Variants in DSCAM observed in about 807,000 individuals in gnomAD.
DSCAM encodes cell adhesion molecule DSCAM.
Under a neutral mutation model 217.7 loss-of-function variants are expected in DSCAM, and 47 were observed. The observed-to-expected ratio is 0.22, with a 90% CI of 0.17 to 0.28. The LOEUF (loss-of-function observed/expected upper bound fraction) is 0.28. Among genes scored for constraint, DSCAM ranks in the 10% least tolerant of loss-of-function variants. The pLI is 1.00. For synonymous variants in DSCAM, 1,056 were observed against 1,015.3 expected (o/e 1.04, Z -0.76); for missense variants, 2,080 against 2,618.3 (o/e 0.79, Z 4.49).
At position 40,754,610 on chromosome 21, in the gene DSCAM, C is replaced by T. The variant is rs964499945; in HGVS notation, c.44-45839G>A. On this transcript the variant is annotated intron_variant, in intron 1 of 32. Coordinates refer to ENST00000400454, the MANE Select transcript of DSCAM (RefSeq NM_001389.5). ...ATCACCACCTCCGGCTGTCACTGGC[C>T]GTGGCTGCTCTCAGGAGTCAATCTC... Among the ~76,000 whole-genome samples, 8 of 152,170 alleles carry T rather than the reference C, an allele frequency of 5.3e-5. No homozygotes were observed. The East Asian group carries it at 9.6e-4, about 18-fold the overall frequency.
At chr21:40,605,709 G>T (rs1568933600) in intron 3 of DSCAM, among the ~76,000 whole-genome samples, 1 of 146,138 alleles carries the variant, frequency 6.8e-6, no homozygotes, top group Non-Finnish European at 1.5e-5. Flanking sequence ...CAGGGGCCAA[G>T]ACATTAGTAA....
At chr21:40,582,696 C>G (rs1601764209) in intron 3 of DSCAM, among the ~76,000 whole-genome samples, 1 of 151,350 alleles carries the variant, frequency 6.6e-6, no homozygotes, top group East Asian at 1.9e-4. Context: ...AAAATGAGCT[C>G]TGGTTAGAGA....
chr21:40,742,298 T>C (rs2091131841), intron 1 of DSCAM, among the ~76,000 whole-genome samples: 1 of 152,232 alleles, frequency 6.6e-6, no homozygotes, highest in African/African-American at 2.4e-5. Context: ...TCATTATTGG[T>C]GTAGCTCATA....
intron 19 of DSCAM, among the ~76,000 whole-genome samples, chr21:40,133,617 C>CA (rs67478168): frequency 2.9e-4 from 43 of 149,328 alleles, no homozygotes; most frequent in African/African-American, 7.9e-4. Flanking sequence ...AAACAAAAAA[C>CA]AAAAAAAAAG....
chr21:40,393,653 C>T (rs1206007105), intron 3 of DSCAM, among the ~76,000 whole-genome samples: 1 of 152,252 alleles, frequency 6.6e-6, no homozygotes, highest in East Asian at 1.9e-4. Flanking sequence ...AACACCAGAG[C>T]TGACCATTAT....
intron 3 of DSCAM, among the ~76,000 whole-genome samples, chr21:40,378,740 C>T (rs1183841720): frequency 3.3e-5 from 5 of 151,412 alleles, no homozygotes; most frequent in Admixed American, 2.0e-4. Flanking sequence ...TACAGGCGCC[C>T]GCTACCACGC....
chr21:40,652,812 A>G (rs1476196842), intron 3 of DSCAM, among the ~76,000 whole-genome samples: 2 of 152,196 alleles, frequency 1.3e-5, no homozygotes, highest in East Asian at 3.8e-4. Flanking sequence ...TGTTTATGCC[A>G]ACAATTGGAT....
At position 40,846,757 on chromosome 21, in the gene DSCAM, G is replaced by C; in HGVS notation, c.-96C>G. On this transcript the variant is annotated 5_prime_UTR_variant, in exon 1 of 33. Transcript: ENST00000400454. ...TCCGCTCGCCGCTCGGCACCTGCCCGGGGGCCGCCGCCCGCCCGCCGCCCG... is the reference window on the plus strand; with the variant it reads ...TCCGCTCGCCGCTCGGCACCTGCCCCGGGGCCGCCGCCCGCCCGCCGCCCG... 1 of 509,682 alleles carries C rather than the reference G, an allele frequency of 2.0e-6. No homozygotes were observed. Among genetic ancestry groups the C allele is most frequent in the Non-Finnish European group, 2.5e-6 (1 of 397,204 alleles). The allele number at this position is 509,682 out of a possible 1,614,324, so 31.6% of individuals were successfully genotyped here.
intron 10 of DSCAM, among the ~76,000 whole-genome samples, chr21:40,282,098 G>A (rs988674841): frequency 1.3e-5 from 2 of 152,048 alleles, no homozygotes; most frequent in African/African-American, 4.8e-5. Context: ...GAGGATAATA[G>A]ATTTATTGGA....
At chr21:40,585,304 G>A (rs2076936783) in intron 3 of DSCAM, among the ~76,000 whole-genome samples, 1 of 150,732 alleles carries the variant, frequency 6.6e-6, no homozygotes, top group Non-Finnish European at 1.5e-5. Context: ...GATCCATGAA[G>A]ATACTCTATT....
intron 1 of DSCAM, among the ~76,000 whole-genome samples, chr21:40,728,443 AC>A (rs2090979940): frequency 6.6e-6 from 1 of 151,958 alleles, no homozygotes; most frequent in Non-Finnish European, 1.5e-5. Flanking sequence ...TTTTGAGACA[AC>A]TTTTGCTCTT....
chr21:40,456,902 A>G (rs1385142747), intron 3 of DSCAM, among the ~76,000 whole-genome samples: 1 of 152,198 alleles, frequency 6.6e-6, no homozygotes, highest in Non-Finnish European at 1.5e-5. Context: ...GTCTCTCCAC[A>G]TTTATTCTAT....
chr21:40,195,265 C>T (rs1601429003), intron 11 of DSCAM, among the ~76,000 whole-genome samples: 1 of 152,082 alleles, frequency 6.6e-6, no homozygotes, highest in Non-Finnish European at 1.5e-5. Flanking sequence ...CTTTTAATGA[C>T]TCTATCAATA....
intron 3 of DSCAM, among the ~76,000 whole-genome samples, chr21:40,542,927 C>T (rs2076553270): frequency 6.6e-6 from 1 of 151,914 alleles, no homozygotes; most frequent in Non-Finnish European, 1.5e-5. Flanking sequence ...GGTAGGTGTC[C>T]TCTTCTGAAT....
intron 3 of DSCAM, among the ~76,000 whole-genome samples, chr21:40,484,702 A>G (rs931617891): frequency 6.6e-6 from 1 of 152,148 alleles, no homozygotes; most frequent in East Asian, 1.9e-4. Flanking sequence ...GCATGAGGCC[A>G]AGCATAAAAT....
chr21:40,743,613 T>TA (rs1261300420), intron 1 of DSCAM, among the ~76,000 whole-genome samples: 1 of 152,178 alleles, frequency 6.6e-6, no homozygotes, highest in African/African-American at 2.4e-5. Flanking sequence ...ATGTATATTT[T>TA]AAAAAATTAA....
intron 3 of DSCAM, among the ~76,000 whole-genome samples, chr21:40,457,250 A>G (rs1486371253): frequency 6.6e-6 from 1 of 152,188 alleles, no homozygotes; most frequent in African/African-American, 2.4e-5. Context: ...GGTAGCTCAC[A>G]CCTGTAACCT....
chr21:40,709,420 C>CGTG (rs1568996379), intron 1 of DSCAM, among the ~76,000 whole-genome samples: 2 of 152,118 alleles, frequency 1.3e-5, no homozygotes, highest in East Asian at 3.8e-4. Context: ...ATACACGTGC[C>CGTG]GTGGTGGTTT....
intron 4 of DSCAM, among the ~76,000 whole-genome samples, chr21:40,364,502 G>C (rs1243741675): frequency 6.9e-6 from 1 of 144,552 alleles, no homozygotes; most frequent in African/African-American, 2.5e-5. Context: ...CACAGGAAGG[G>C]GAACATCACA....
Sources: allele counts gnomAD v4.1 joint callset (sites outside exome capture counted in the v4.1 genomes callset), GRCh38; gene constraint gnomAD v4.1.1; transcripts MANE v1.5; gene names NCBI Gene and HGNC (gene_info 2026-07-23, HGNC 2026-07-21).